INSC: variants seen among roughly 807,000 people sequenced by gnomAD.
INSC encodes the protein protein inscuteable homolog.
INSC carries 67 observed loss-of-function variants against 58.6 expected under a neutral mutation model. That is an observed-to-expected ratio of 1.14 (90% confidence interval 0.94 to 1.40). INSC has a LOEUF of 1.40. INSC is among the 40% of genes most tolerant of loss of function. The probability of loss-of-function intolerance (pLI) is 0.00; values close to 1 mark genes in which losing one functional copy is unlikely to be tolerated. For missense variants in INSC, 714 were observed against 692.0 expected, an observed-to-expected ratio of 1.03 and a Z score of -0.36; for synonymous variants, 262 against 276.1, an observed-to-expected ratio of 0.95 and a Z score of 0.51.
chr11:15,267,418 T>C, the INSC span, among the ~76,000 whole-genome samples: 9 of 151,996 alleles, frequency 5.9e-5, no homozygotes, highest in African/African-American at 2.2e-4. Context: ...CATACTCTAT[T>C]CATTTCCCCC....
intron 2 of INSC, among the ~76,000 whole-genome samples, chr11:15,161,593 T>C (rs1475154417): frequency 6.6e-6 from 1 of 152,182 alleles, no homozygotes; most frequent in East Asian, 1.9e-4. Flanking sequence ...GTTTCTGGTA[T>C]TGCACAGATG....
intron 1 of INSC, among the ~76,000 whole-genome samples, chr11:15,128,547 C>T (rs1848052778): frequency 6.6e-6 from 1 of 152,200 alleles, no homozygotes; most frequent in African/African-American, 2.4e-5. Flanking sequence ...TGGGGCTAGG[C>T]TGAAGGTTTC....
intron 2 of INSC, among the ~76,000 whole-genome samples, chr11:15,157,645 G>T (rs1848861219): frequency 6.6e-6 from 1 of 152,158 alleles, no homozygotes; most frequent in African/African-American, 2.4e-5. Flanking sequence ...CAGAGAGTCA[G>T]GCAAGCTATG....
chr11:15,268,852 CTATATGGATA>C, the INSC span, among the ~76,000 whole-genome samples: 1 of 152,146 alleles, frequency 6.6e-6, no homozygotes, highest in African/African-American at 2.4e-5. Context: ...TTTCATAAGA[CTATATGGATA>C]CTATAGCAGT....
At chr11:15,149,356 G>T (rs1000253986) in intron 2 of INSC, 126 bp downstream of exon 2, 2 of 941,718 alleles carry the variant, frequency 2.1e-6, no homozygotes, top group South Asian at 2.5e-5. Flanking sequence ...GGAGGATGCC[G>T]AGCATAAGGT....
Position 15,175,901 on chromosome 11 carries a change from C to A in INSC, c.217C>A (p.Pro73Thr). 6.2e-7 allele frequency: 1 copy of A among 1,614,176 alleles called. No individual in the cohort carries two copies. The highest frequency in any genetic ancestry group is 1.6e-4 in the Middle Eastern group (1 of 6,062). The change falls in exon 3 of 13, where the codon CCC becomes ACC. Residue 73 changes from proline (P) to threonine (T), a missense_variant. Pro to Thr is a conservative substitution (Grantham distance 38). Coordinates refer to ENST00000379556, the MANE Select transcript of INSC (RefSeq NM_001042536.3). ...GGCAGGTGGCCCTGGCCCTGGAGAC[C>A]CCCTGCAGCTGCTGCTCAAACGGGG... ...ILAGGPGPGD[P>T]LQLLLKRGWV...
At chr11:15,128,890 CCT>C in intron 1 of INSC, among the ~76,000 whole-genome samples, 1 of 152,294 alleles carries the variant, frequency 6.6e-6, no homozygotes, top group Non-Finnish European at 1.5e-5. Flanking sequence ...CTGGCCAGTG[CCT>C]CTTAGTTAAC....
Position 15,221,476 on chromosome 11 carries a change from G to A in INSC, c.820-1G>A, listed in dbSNP as rs1851435972. On this transcript the variant is annotated splice_acceptor_variant, in intron 7 of 12. Coordinates refer to ENST00000379556, the MANE Select transcript of INSC (RefSeq NM_001042536.3). LOFTEE classifies it high-confidence loss of function. ...GGGGAGCTCCCTCTCTCCATCTGCA[G>A]GTGGATGGCGTTCTGTGCTTGGCCG... 1 of 1,605,308 alleles carries A rather than the reference G, an allele frequency of 6.2e-7. No individual in the cohort carries two copies. The highest frequency in any genetic ancestry group is 8.5e-7 in the Non-Finnish European group (1 of 1,174,632).
In INSC at chr11:15,218,651, T is replaced by C. The variant is rs149943254; in HGVS notation, c.820-2826T>C. ...GAGATCTGAAGCATATAAAACAAACTACAAGGGAAGCAAGACGATGGGCAA... is the reference window on the plus strand; with the variant it reads ...GAGATCTGAAGCATATAAAACAAACCACAAGGGAAGCAAGACGATGGGCAA... On this transcript the variant is annotated intron_variant, in intron 7 of 12. Transcript: ENST00000379556. Among the ~76,000 whole-genome samples the C allele has an allele frequency of 6.8e-4, 103 of 152,186 alleles. 1 individual carries two copies. The highest frequency in any genetic ancestry group is 3.4e-3 in the Middle Eastern group (1 of 294).
At chr11:15,221,203 G>C (rs778443622) in intron 7 of INSC, among the ~76,000 whole-genome samples, 1 of 151,996 alleles carries the variant, frequency 6.6e-6, no homozygotes, top group East Asian at 1.9e-4. Context: ...CCTGACTCTA[G>C]ACACTTGACT....
rs759510829 is a variant in INSC, at chr11:15,149,138, C to T, written c.-37C>T. The T allele has an allele frequency of 2.9e-5, 46 of 1,608,022 alleles. No homozygotes were observed. Among genetic ancestry groups the T allele is most frequent in the Non-Finnish European group, 3.6e-5 (42 of 1,177,226 alleles). ...CTGCCCTCTATTTTCAGGGTCACGA[C>T]CGCTGCAAGCAGGCTTTGCTGCAGA... is the stretch of plus-strand genomic sequence containing the variant. On this transcript the variant is annotated 5_prime_UTR_variant, in exon 2 of 13. Transcript: ENST00000379556.
intron 2 of INSC, among the ~76,000 whole-genome samples, chr11:15,158,562 T>C (rs886834360): frequency 6.6e-6 from 1 of 152,174 alleles, no homozygotes; most frequent in African/African-American, 2.4e-5. Flanking sequence ...TCTTCTGTGA[T>C]CGTAGTCTAT....
chr11:15,181,310 A>G (rs1849769156), intron 5 of INSC, among the ~76,000 whole-genome samples: 1 of 152,222 alleles, frequency 6.6e-6, no homozygotes, highest in South Asian at 2.1e-4. Context: ...TAAAGCACCT[A>G]TTTACTTCTT....
rs752322816 is a variant in INSC, at chr11:15,147,144, G to C, written c.-45-1986G>C. On this transcript the variant is annotated intron_variant, in intron 1 of 12. Transcript: ENST00000379556. ...ATCTTAGTTTTACCCTGAGAAGTTG[G>C]TGTTTTCCTTTTTTGTACTTTAGTC... Among the ~76,000 whole-genome samples, 51 of 152,248 alleles carry C rather than the reference G, an allele frequency of 3.3e-4. 1 individual carries two copies. Among genetic ancestry groups the C allele is most frequent in the Non-Finnish European group, 2.6e-4 (18 of 68,010 alleles).
chr11:15,207,903 G>C (rs1449440067), intron 7 of INSC, among the ~76,000 whole-genome samples: 1 of 152,168 alleles, frequency 6.6e-6, no homozygotes. Context: ...AGCAAGTTGA[G>C]GCTGGAAAGG....
chr11:15,177,976 A>C (rs1849630748), intron 4 of INSC, among the ~76,000 whole-genome samples: 1 of 152,176 alleles, frequency 6.6e-6, no homozygotes. Flanking sequence ...CTCTCTTTGA[A>C]GCTTCTTGCC....
the INSC span, among the ~76,000 whole-genome samples, chr11:15,256,429 G>C: frequency 6.6e-6 from 1 of 151,622 alleles, no homozygotes; most frequent in African/African-American, 2.4e-5. Flanking sequence ...AACTGAGAAA[G>C]TTCACAGCCT....
At chr11:15,219,375 C>T (rs1429927531) in intron 7 of INSC, among the ~76,000 whole-genome samples, 1 of 152,198 alleles carries the variant, frequency 6.6e-6, no homozygotes, top group Non-Finnish European at 1.5e-5. Context: ...CAGGAGGCCC[C>T]TCTGTAGAGC....
At chr11:15,260,378 A>G in the INSC span, among the ~76,000 whole-genome samples, 1 of 152,110 alleles carries the variant, frequency 6.6e-6, no homozygotes, top group African/African-American at 2.4e-5. Flanking sequence ...CATTTTGTAA[A>G]TGTTTATTTA....
Sources: gnomAD v4.1 joint callset for allele counts (sites outside exome capture counted in the v4.1 genomes callset) on GRCh38, gnomAD v4.1.1 for gene constraint, MANE v1.5 for transcripts, NCBI Gene and HGNC (gene_info 2026-07-23, HGNC 2026-07-21) for gene names.